Variants in FHOD3 observed in about 807,000 individuals in gnomAD.
FHOD3 encodes the protein formin homology 2 domain containing 3, also known as FH1/FH2 domain-containing protein 3.
FHOD3 carries 90 observed loss-of-function variants against 173.0 expected under a neutral mutation model. The observed-to-expected ratio is 0.52, with a 90% confidence interval of 0.44 to 0.62. The LOEUF (loss-of-function observed/expected upper bound fraction) is 0.62, where lower values mean the gene tolerates loss of function less well. Ranked by LOEUF, FHOD3 falls within the 20% of genes least tolerant of loss-of-function variation. The pLI, the probability that FHOD3 is intolerant of heterozygous loss-of-function variation, is 0.00. For synonymous variants in FHOD3, 828 were observed against 823.0 expected, an observed-to-expected ratio of 1.01 and a Z score of -0.10; for missense variants, 1,945 against 2,034.7, an observed-to-expected ratio of 0.96 and a Z score of 0.85.
intron 3 of FHOD3, among the ~76,000 whole-genome samples, chr18:36,476,361 C>G (rs1397034449): frequency 6.6e-6 from 1 of 152,216 alleles, no homozygotes; most frequent in African/African-American, 2.4e-5. Context: ...TTTATTCTAC[C>G]AACTTACATC....
chr18:36,535,935 G>T (rs2056975038), intron 5 of FHOD3, among the ~76,000 whole-genome samples: 1 of 152,136 alleles, frequency 6.6e-6, no homozygotes, highest in Non-Finnish European at 1.5e-5. Context: ...AAGAAAATTT[G>T]CAGATTTTTT....
intron 6 of FHOD3, among the ~76,000 whole-genome samples, chr18:36,587,913 A>G (rs1458659271): frequency 6.6e-6 from 1 of 152,228 alleles, no homozygotes; most frequent in Non-Finnish European, 1.5e-5. Flanking sequence ...CCAGCCTTAC[A>G]CTTGGTTACT....
chr18:36,457,616 T>G (rs141420032), intron 3 of FHOD3, among the ~76,000 whole-genome samples: 2 of 151,532 alleles, frequency 1.3e-5, no homozygotes, highest in East Asian at 1.9e-4. Flanking sequence ...TCCATAAGAG[T>G]TGACCAATCT....
intron 3 of FHOD3, among the ~76,000 whole-genome samples, chr18:36,373,286 A>G (rs1435319869): frequency 6.6e-6 from 1 of 152,166 alleles, no homozygotes; most frequent in Non-Finnish European, 1.5e-5. Flanking sequence ...GCAAGAATAT[A>G]ATGTCATAAG....
At chr18:36,526,746 T>G (rs1171836070) in intron 5 of FHOD3, among the ~76,000 whole-genome samples, 1 of 152,228 alleles carries the variant, frequency 6.6e-6, no homozygotes, top group South Asian at 2.1e-4. Context: ...TAATATATAG[T>G]GTTTCATGGG....
intron 17 of FHOD3, among the ~76,000 whole-genome samples, chr18:36,706,465 C>G (rs2039884706): frequency 6.6e-6 from 1 of 152,220 alleles, no homozygotes; most frequent in Non-Finnish European, 1.5e-5. Context: ...AGAAGTTAGG[C>G]CCTAGTGTAT....
At chr18:36,386,281 G>T (rs2048028798) in intron 3 of FHOD3, among the ~76,000 whole-genome samples, 1 of 152,150 alleles carries the variant, frequency 6.6e-6, no homozygotes, top group African/African-American at 2.4e-5. Flanking sequence ...CTGCATTGAT[G>T]GGTGGCTCAG....
intron 16 of FHOD3, among the ~76,000 whole-genome samples, chr18:36,691,942 A>G (rs1049214485): frequency 7.9e-5 from 12 of 152,234 alleles, no homozygotes; most frequent in African/African-American, 2.7e-4. Context: ...ATGACTAAAT[A>G]TGCCAGGCAG....
chr18:36,357,464 G>C (rs1031890345), intron 2 of FHOD3, among the ~76,000 whole-genome samples: 1 of 152,204 alleles, frequency 6.6e-6, no homozygotes, highest in Admixed American at 6.5e-5. Context: ...CAAGGTCCTT[G>C]TTAAGATTCA....
chr18:36,349,271 A>C (rs1208144042), intron 1 of FHOD3, among the ~76,000 whole-genome samples: 1 of 152,166 alleles, frequency 6.6e-6, no homozygotes, highest in Non-Finnish European at 1.5e-5. Flanking sequence ...GCAGCAAGAG[A>C]GGGCAGCCCC....
intron 1 of FHOD3, among the ~76,000 whole-genome samples, chr18:36,355,310 C>A (rs547025891): frequency 2.6e-4 from 40 of 152,296 alleles, no homozygotes; most frequent in African/African-American, 9.4e-4. Flanking sequence ...GCTTAGGGCC[C>A]AGAGGATGCT....
chr18:36,591,967 C>T (rs1002074875), intron 6 of FHOD3, among the ~76,000 whole-genome samples: 3 of 152,258 alleles, frequency 2.0e-5, no homozygotes, highest in East Asian at 1.9e-4. Context: ...GCCTGTAATC[C>T]CAGCACTTTG....
rs2042573520 is a variant in FHOD3, at chr18:36,755,110, T to C, written c.4233-9T>C. 2 of 1,552,152 alleles carry C rather than the reference T, an allele frequency of 1.3e-6. No homozygotes were observed. Among genetic ancestry groups the C allele is most frequent in the Non-Finnish European group, 1.7e-6 (2 of 1,150,872 alleles). ...GGAAGTCATTGCTATTACTGTTTTT[T>C]CCTTGCAGATTCCACTCCTTTTTAC... On this transcript the variant is annotated splice_polypyrimidine_tract_variant and intron_variant, in intron 24 of 28. Transcript: ENST00000590592.
chr18:36,768,387 A>G (rs1166740643), intron 27 of FHOD3, among the ~76,000 whole-genome samples: 2 of 152,238 alleles, frequency 1.3e-5, no homozygotes, highest in African/African-American at 4.8e-5. Flanking sequence ...TTCCAACAAT[A>G]CAGATCAAAA....
chr18:36,458,605 G>A (rs1346578480), intron 3 of FHOD3, among the ~76,000 whole-genome samples: 1 of 150,838 alleles, frequency 6.6e-6, no homozygotes, highest in Non-Finnish European at 1.5e-5. Context: ...ATGAGGGGAT[G>A]TGTGACAGGC....
intron 3 of FHOD3, among the ~76,000 whole-genome samples, chr18:36,381,546 G>A (rs925788241): frequency 7.2e-5 from 11 of 152,292 alleles, no homozygotes; most frequent in African/African-American, 1.9e-4. Context: ...CAGAGGCTGC[G>A]AGTCCCTGTT....
chr18:36,419,252 G>T (rs1433434752), intron 3 of FHOD3, among the ~76,000 whole-genome samples: 1 of 151,752 alleles, frequency 6.6e-6, no homozygotes, highest in Non-Finnish European at 1.5e-5. Flanking sequence ...TTTGAGCTGT[G>T]CAGGCAAAAG....
chr18:36,331,933 A>C (rs969010582), intron 1 of FHOD3, among the ~76,000 whole-genome samples: 1 of 152,132 alleles, frequency 6.6e-6, no homozygotes, highest in African/African-American at 2.4e-5. Flanking sequence ...CTAGAGCACC[A>C]GTTGTGCATG....
In FHOD3 at chr18:36,604,020, C is replaced by T. The variant is rs141866906; in HGVS notation, c.813+1252C>T. ...CTTGCTGTCATTCCTCCTGTTGCGT[C>T]CCTCCCTGATCACCACCTTGTAGGG... On this transcript the variant is annotated intron_variant, in intron 8 of 28. Coordinates refer to ENST00000590592, the MANE Select transcript of FHOD3 (RefSeq NM_001281740.3). Among the ~76,000 whole-genome samples the T allele has an allele frequency of 4.2e-4, 64 of 152,272 alleles. 1 individual carries two copies. In the East Asian group the frequency reaches 0.012, roughly 28 times the overall value.
Sources: allele counts gnomAD v4.1 joint callset (sites outside exome capture counted in the v4.1 genomes callset), GRCh38; gene constraint gnomAD v4.1.1; transcripts MANE v1.5; gene names NCBI Gene and HGNC (gene_info 2026-07-23, HGNC 2026-07-21).